The following PNN variants were observed in gnomAD, a reference collection of about 807,000 sequenced individuals.
PNN encodes the protein pinin.
Under a neutral mutation model 76.6 loss-of-function variants are expected in PNN, and 38 were observed. The observed-to-expected ratio is 0.50, with a 90% CI of 0.38 to 0.65. The LOEUF (loss-of-function observed/expected upper bound fraction) is 0.65. PNN is among the 30% of genes least tolerant of loss of function. The probability of loss-of-function intolerance (pLI) is 0.00; values close to 1 mark genes in which losing one functional copy is unlikely to be tolerated. For missense variants in PNN, 873 were observed against 874.1 expected (o/e 1.00, Z 0.02); for synonymous variants, 366 against 283.7 (o/e 1.29, Z -2.91).
rs888257645 is a variant in PNN at position 39,181,128 on chromosome 14, G to C, written c.1419G>C (p.Val473=). 1 of 1,611,906 alleles carries C rather than the reference G, an allele frequency of 6.2e-7. No individual in the cohort carries two copies. Among genetic ancestry groups the C allele is most frequent in the African/African-American group, 1.3e-5 (1 of 74,998 alleles). The change falls in exon 9 of 9, where the codon GTG becomes GTC. Residue 473 remains valine (V), a synonymous_variant. Transcript: ENST00000216832. ...EKESEPQPEP[V]AQPQPQSQPQ... ...AATCTGAGCCCCAACCTGAGCCTGT[G>C]GCTCAACCTCAGCCTCAGTCTCAGC...
Position 39,181,356 on chromosome 14 carries a change from TC to T in PNN, c.1649del (p.Pro550GlnfsTer111). On this transcript the variant is annotated frameshift_variant, in exon 9 of 9. Coordinates refer to ENST00000216832, the MANE Select transcript of PNN (RefSeq NM_002687.4). LOFTEE classifies it high-confidence loss of function. ...CAGTAGAGCCAGTCTTGACAGTACATCCAGAGAGCAAGAGCAAAACCAAAAC... is the reference window on the plus strand; with the variant it reads ...CAGTAGAGCCAGTCTTGACAGTACATCAGAGAGCAAGAGCAAAACCAAAAC... Reference protein sequence around the residue: ...VPVEPVLTVHPESKSKTKTRS... With the variant: ...VPVEPVLTVHXESKSKTKTRS... 1 of 1,614,130 alleles carries T rather than the reference TC, an allele frequency of 6.2e-7. No individual in the cohort carries two copies. Among genetic ancestry groups the T allele is most frequent in the Non-Finnish European group, 8.5e-7 (1 of 1,180,026 alleles).
intron 3 of PNN, 120 bp from the exon 4 acceptor site, chr14:39,177,292 A>G: frequency 1.4e-6 from 1 of 738,480 alleles, no homozygotes; most frequent in Admixed American, 2.5e-5. Context: ...AGGATGAGGC[A>G]GGAGGATCAC....
rs2139404614 is a variant in PNN, at chr14:39,181,435, C to CGAAGCA, written c.1728_1733dup (p.Arg576_Ser577dup). The CGAAGCA allele has an allele frequency of 1.2e-6, 2 of 1,613,846 alleles. No individual in the cohort carries two copies. Among genetic ancestry groups the CGAAGCA allele is most frequent in the Non-Finnish European group, 1.7e-6 (2 of 1,179,918 alleles). ...AAATAAAACAAGCAAGAGTAGAAGT[C>CGAAGCA]GAAGCAGTAGCAGTAGCAGTTCTAG... is the stretch of plus-strand genomic sequence containing the variant. On this transcript the variant is annotated inframe_insertion, in exon 9 of 9. Transcript: ENST00000216832.
intron 1 of PNN, 77 bp downstream of exon 1, chr14:39,175,469 G>A (rs1594553009): frequency 1.1e-6 from 1 of 886,174 alleles, no homozygotes; most frequent in East Asian, 2.6e-5. Flanking sequence ...GGGGCGGGGA[G>A]GGCGGCCAGC....
intron 2 of PNN, 43 bp from the exon 3 acceptor site, chr14:39,176,484 T>A: frequency 1.5e-6 from 2 of 1,350,536 alleles, no homozygotes; most frequent in Non-Finnish European, 2.1e-6. Context: ...ATACCATTTA[T>A]CTTGTATTTC....
chr14:39,179,181 G>A lies in PNN; in HGVS notation c.589G>A (p.Glu197Lys). ...TGAAAATGAAAGGAGAGAACTGTTT[G>A]AAGAGAGGCGTGCTAAACAGACAGA... ...QVENERRELF[E>K]ERRAKQTELR... Residue 197 changes from glutamate (E) to lysine (K), a missense_variant, in exon 7 of 9, where the codon GAA (glutamate) becomes AAA (lysine). Glu to Lys is a moderately conservative substitution (Grantham distance 56). This residue lies in a region of PNN where 712 missense variants were observed against 693.1 expected (regional missense o/e 1.03). Coordinates refer to ENST00000216832, the MANE Select transcript of PNN (RefSeq NM_002687.4). 1.2e-6 allele frequency: 2 copies of A among 1,614,132 alleles called. No homozygotes were observed. Among genetic ancestry groups the A allele is most frequent in the Non-Finnish European group, 1.7e-6 (2 of 1,179,988 alleles).
chr14:39,181,435 C>T lies in PNN; in HGVS notation c.1726C>T (p.Arg576Ter), dbSNP rs142928587. Residue 576 changes from arginine (R) to a stop codon, truncating the protein, a stop_gained, in exon 9 of 9, where the codon CGA (arginine) becomes TGA (stop). Transcript: ENST00000216832. LOFTEE classifies it high-confidence loss of function. ...ARNKTSKSRS[R>*]SSSSSSSSSS... ...AAATAAAACAAGCAAGAGTAGAAGT[C>T]GAAGCAGTAGCAGTAGCAGTTCTAG... The T allele has an allele frequency of 1.9e-6, 3 of 1,613,846 alleles. No homozygotes were observed. Among genetic ancestry groups the T allele is most frequent in the Non-Finnish European group, 2.5e-6 (3 of 1,179,918 alleles).
intron 3 of PNN, 94 bp downstream of exon 3, chr14:39,176,689 A>T (rs2053228249): frequency 1.2e-6 from 1 of 812,658 alleles, no homozygotes; most frequent in Non-Finnish European, 1.9e-6. Flanking sequence ...TTTCAGCAAT[A>T]TTAAAATTGA....
chr14:39,175,765 A>G (rs2053218343), intron 1 of PNN: 2 of 468,818 alleles, frequency 4.3e-6, no homozygotes, highest in African/African-American at 2.0e-5. Flanking sequence ...CCGGGACGCA[A>G]CAAGCCGCCT....
At chr14:39,178,215 T>C (rs1450214316) in intron 6 of PNN, among the ~76,000 whole-genome samples, 2 of 151,990 alleles carry the variant, frequency 1.3e-5, no homozygotes, top group Non-Finnish European at 2.9e-5. Flanking sequence ...TAAGTTCTAG[T>C]TAGTTGGTAT....
rs1358311862 is a variant in PNN, at chr14:39,182,540, T to C, written c.*677T>C. On this transcript the variant is annotated 3_prime_UTR_variant, in exon 9 of 9. Transcript: ENST00000216832. ...TTCGGTAGATAACTAAACAGTATGA[T>C]CTGGTTGGCATTTTCTTCCTGATGA... 2 of 152,606 alleles carry C rather than the reference T, an allele frequency of 1.3e-5. No individual in the cohort carries two copies. Among genetic ancestry groups the C allele is most frequent in the Non-Finnish European group, 2.9e-5 (2 of 68,048 alleles). 9.5% of individuals were successfully genotyped at this position (152,606 alleles called of 1,614,324 possible).
chr14:39,180,570 A>G lies in PNN; in HGVS notation c.861A>G (p.Arg287=), dbSNP rs1426286658. ...ATAAAATGGAGGCTAGGCCTAGAAG[A>G]CAATCAATGAAGGAAAAAGAGCATC... is the stretch of plus-strand genomic sequence containing the variant. ...QINKMEARPR[R]QSMKEKEHQV... The change falls in exon 9 of 9, where the codon AGA becomes AGG. Residue 287 remains arginine (R), a synonymous_variant. Coordinates refer to ENST00000216832, the MANE Select transcript of PNN (RefSeq NM_002687.4). 1.5e-5 allele frequency: 24 copies of G among 1,613,996 alleles called. No individual in the cohort carries two copies. The highest frequency in any genetic ancestry group is 2.0e-5 in the Non-Finnish European group (24 of 1,180,002).
chr14:39,176,963 C>T (rs917271291), intron 3 of PNN, among the ~76,000 whole-genome samples: 3 of 152,196 alleles, frequency 2.0e-5, no homozygotes, highest in African/African-American at 7.2e-5. Flanking sequence ...TTGTAGTATC[C>T]TTTCTCTGCT....
Position 39,181,058 on chromosome 14 carries a change from G to C in PNN, c.1349G>C (p.Ser450Thr). The C allele has an allele frequency of 6.2e-7, 1 of 1,613,686 alleles. No individual in the cohort carries two copies. Among genetic ancestry groups the C allele is most frequent in the East Asian group, 2.2e-5 (1 of 44,886 alleles). ...CTTTCTCCTGGGAAAGAGAATGTCAGTGCTTTAGACATGGAAAAGGAGTCT... is the reference window on the plus strand; with the variant it reads ...CTTTCTCCTGGGAAAGAGAATGTCACTGCTTTAGACATGGAAAAGGAGTCT... ...KTLSPGKENV[S>T]ALDMEKESEE... The change falls in exon 9 of 9, where the codon AGT (serine) becomes ACT (threonine). Residue 450 changes from serine to threonine, a missense_variant. Around this residue, in one of 3 missense-constraint regions of PNN, gnomAD observed 712 missense variants for 693.1 expected, o/e 1.03. Coordinates refer to ENST00000216832, the MANE Select transcript of PNN (RefSeq NM_002687.4).
At chr14:39,176,717 G>GCC (rs3215670) in intron 3 of PNN, 122 bp downstream of exon 3, 649 of 646,256 alleles carry the variant, frequency 1.0e-3, no homozygotes, top group Admixed American at 2.1e-3. Flanking sequence ...GCCACTCCCT[G>GCC]CCCCCCCCAA....
At position 39,180,966 on chromosome 14, in the gene PNN, T is replaced by G. The variant is rs748307450; in HGVS notation, c.1257T>G (p.Asn419Lys). Residue 419 changes from asparagine to lysine, a missense_variant, in exon 9 of 9, where the codon AAT (asparagine) becomes AAG (lysine). Around this residue, in one of 3 missense-constraint regions of PNN, gnomAD observed 712 missense variants for 693.1 expected, o/e 1.03. Transcript: ENST00000216832. ...TTGAAAGTGTAGAACCTTCAGAAAA[T>G]GAAGCTAGCAAAGAATTGGAACCAG... ...NRVESVEPSE[N>K]EASKELEPEM... 6.2e-7 allele frequency: 1 copy of G among 1,613,518 alleles called. No homozygotes were observed. Among genetic ancestry groups the G allele is most frequent in the Non-Finnish European group, 8.5e-7 (1 of 1,179,906 alleles).
In PNN at chr14:39,176,567, C is replaced by G; in HGVS notation, c.226C>G (p.Gln76Glu). ...TAGTGGAGGAGGACCCCCAGCCAAA[C>G]AGAGAGACCTTGAAGGGGCAGTCAG... is the stretch of plus-strand genomic sequence containing the variant. ...SDSGGGPPAKQRDLEGAVSRL... is the reference protein window; with the variant it reads ...SDSGGGPPAKERDLEGAVSRL... The change falls in exon 3 of 9, where the codon CAG becomes GAG. Residue 76 changes from glutamine to glutamate, a missense_variant. Around this residue, in one of 3 missense-constraint regions of PNN, gnomAD observed 156 missense variants for 161.7 expected, o/e 0.96. Coordinates refer to ENST00000216832, the MANE Select transcript of PNN (RefSeq NM_002687.4). 2 of 1,608,116 alleles carry G rather than the reference C, an allele frequency of 1.2e-6. No homozygotes were observed. Among genetic ancestry groups the G allele is most frequent in the Non-Finnish European group, 1.7e-6 (2 of 1,178,082 alleles).
Position 39,181,122 on chromosome 14 carries a change from G to A in PNN, c.1413G>A (p.Glu471=), listed in dbSNP as rs775108683. 1 of 1,612,952 alleles carries A rather than the reference G, an allele frequency of 6.2e-7. No individual in the cohort carries two copies. Among genetic ancestry groups the A allele is most frequent in the South Asian group, 1.1e-5 (1 of 91,032 alleles). The change falls in exon 9 of 9, where the codon GAG becomes GAA. Residue 471 remains glutamate, a synonymous_variant. Coordinates refer to ENST00000216832, the MANE Select transcript of PNN (RefSeq NM_002687.4). ...KEEKESEPQP[E]PVAQPQPQSQ... Reference sequence around the variant, plus strand: ...AAAAAGAATCTGAGCCCCAACCTGAGCCTGTGGCTCAACCTCAGCCTCAGT... The same window carrying A: ...AAAAAGAATCTGAGCCCCAACCTGAACCTGTGGCTCAACCTCAGCCTCAGT...
chr14:39,181,686 A>G lies in PNN; in HGVS notation c.1977A>G (p.Gly659=). The part of the protein sequence containing the change: ...SVDRKRRDTS[G]LERSHKSSKG... The stretch of plus-strand genomic sequence containing the variant: ...ATCGGAAGAGAAGGGATACTTCAGG[A>G]CTAGAAAGAAGTCACAAATCTTCAA... Residue 659 remains glycine, a synonymous_variant, in exon 9 of 9, where the codon GGA becomes GGG. Transcript: ENST00000216832. 1 of 1,614,040 alleles carries G rather than the reference A, an allele frequency of 6.2e-7. No individual in the cohort carries two copies. Among genetic ancestry groups the G allele is most frequent in the East Asian group, 2.2e-5 (1 of 44,882 alleles).
Sources: allele counts gnomAD v4.1 joint callset (sites outside exome capture counted in the v4.1 genomes callset), GRCh38; gene constraint gnomAD v4.1.1; regional missense constraint gnomAD v4.1.1; transcripts MANE v1.5; gene names NCBI Gene and HGNC (gene_info 2026-07-23, HGNC 2026-07-21).